The following ARHGAP8 variants were observed in gnomAD, a reference collection of about 807,000 sequenced individuals.
ARHGAP8 encodes rho GTPase-activating protein 8.
A neutral mutation model predicts 46.1 loss-of-function variants in ARHGAP8; 62 were observed. The observed-to-expected ratio is 1.34, with a 90% CI of 1.10 to 1.66. The LOEUF (loss-of-function observed/expected upper bound fraction) is 1.66, where lower values mean the gene tolerates loss of function less well. Among genes scored for constraint, ARHGAP8 ranks in the 40% most tolerant of loss-of-function variants. ARHGAP8 has a pLI of 0.00. For synonymous variants in ARHGAP8, 375 were observed against 243.1 expected, an observed-to-expected ratio of 1.54 and a Z score of -5.05; for missense variants, 923 against 568.4, an observed-to-expected ratio of 1.62 and a Z score of -6.34.
chr22:44,816,533 C>T (rs951135666), intron 5 of ARHGAP8, among the ~76,000 whole-genome samples: 3 of 152,156 alleles, frequency 2.0e-5, no homozygotes, highest in Non-Finnish European at 4.4e-5. Flanking sequence ...TACTCTGCAG[C>T]CAGACACAGT....
chr22:44,794,122 T>C (rs1483532671), intron 2 of ARHGAP8, among the ~76,000 whole-genome samples: 1 of 152,200 alleles, frequency 6.6e-6, no homozygotes, highest in Admixed American at 6.5e-5. Context: ...GCCTCAGTTT[T>C]CTCACCTGTA....
intron 2 of ARHGAP8, among the ~76,000 whole-genome samples, chr22:44,789,850 T>G (rs528769821): frequency 2.6e-5 from 4 of 152,196 alleles, no homozygotes; most frequent in African/African-American, 9.7e-5. Context: ...GTCCGATTTT[T>G]CTGATACTAA....
intron 10 of ARHGAP8, among the ~76,000 whole-genome samples, chr22:44,859,416 G>A (rs549213204): frequency 1.4e-4 from 21 of 152,270 alleles, no homozygotes; most frequent in African/African-American, 4.8e-4. Context: ...TTTGCCTTCT[G>A]CCATAATTGG....
At chr22:44,792,788 C>T (rs186206639) in intron 2 of ARHGAP8, among the ~76,000 whole-genome samples, 13 of 104,524 alleles carry the variant, frequency 1.2e-4, no homozygotes, top group South Asian at 4.0e-4. Context: ...TTGACACTAA[C>T]GACAGTGGTG....
chr22:44,862,171 C>G, intron 11 of ARHGAP8, 104 bp from the exon 12 acceptor site: 1 of 1,383,714 alleles, frequency 7.2e-7, no homozygotes. Flanking sequence ...CAGTCCAGTG[C>G]TCCTCTCACT....
chr22:44,768,059 G>T (rs781657233), intron 1 of ARHGAP8, among the ~76,000 whole-genome samples: 2 of 121,442 alleles, frequency 1.6e-5, no homozygotes. Flanking sequence ...GAGTGCAGTG[G>T]CACGATCTCG....
chr22:44,859,977 G>C (rs1601534666), intron 11 of ARHGAP8, 143 bp downstream of exon 11: 2 of 1,029,448 alleles, frequency 1.9e-6, no homozygotes, highest in Non-Finnish European at 2.8e-6. Flanking sequence ...TGCCCCCCAA[G>C]GACCTCATCC....
At chr22:44,841,495 C>T (rs1233799483) in intron 7 of ARHGAP8, among the ~76,000 whole-genome samples, 2 of 152,196 alleles carry the variant, frequency 1.3e-5, no homozygotes, top group African/African-American at 4.8e-5. Context: ...CCAAATCCAA[C>T]TTCCTTTTTG....
intron 2 of ARHGAP8, among the ~76,000 whole-genome samples, chr22:44,789,235 C>T (rs1288055180): frequency 6.6e-6 from 1 of 152,032 alleles, no homozygotes; most frequent in African/African-American, 2.4e-5. Context: ...CTGCAACCTC[C>T]AGCTCCCTGG....
chr22:44,860,955 C>T (rs546404090), intron 11 of ARHGAP8, among the ~76,000 whole-genome samples: 5 of 151,676 alleles, frequency 3.3e-5, no homozygotes, highest in Admixed American at 3.3e-4. Flanking sequence ...TTTTTTTCTC[C>T]CTGTTGCTTG....
chr22:44,771,592 T>G (rs867386813), intron 1 of ARHGAP8, among the ~76,000 whole-genome samples: 2 of 151,100 alleles, frequency 1.3e-5, no homozygotes, highest in South Asian at 4.2e-4. Flanking sequence ...CTTGCTCTTG[T>G]CCCCCAGGCT....
In ARHGAP8 at chr22:44,862,643, T is replaced by C. The variant is rs750968831; in HGVS notation, c.*48T>C. The C allele has an allele frequency of 2.7e-6, 4 of 1,508,454 alleles. No individual in the cohort carries two copies. Among genetic ancestry groups the C allele is most frequent in the Non-Finnish European group, 3.5e-6 (4 of 1,126,880 alleles). 93.4% of individuals were successfully genotyped at this position (1,508,454 alleles called of 1,614,324 possible). On this transcript the variant is annotated 3_prime_UTR_variant, in exon 12 of 12. Coordinates refer to ENST00000356099, the MANE Select transcript of ARHGAP8 (RefSeq NM_181335.3). ...TCGAGCTACCTCCCACACCTGTCTG[T>C]GCACTTGTATGTTTTGTAAACTTGG...
At chr22:44,759,889 C>T (rs1029656507) in intron 1 of ARHGAP8, among the ~76,000 whole-genome samples, 2 of 152,216 alleles carry the variant, frequency 1.3e-5, no homozygotes, top group Non-Finnish European at 2.9e-5. Flanking sequence ...AGTTGCGCAC[C>T]CGAATGATCA....
chr22:44,847,895 G>C, intron 8 of ARHGAP8, 78 bp from the exon 9 acceptor site: 1 of 1,565,356 alleles, frequency 6.4e-7, no homozygotes, highest in Non-Finnish European at 8.7e-7. Flanking sequence ...GATGCCGTGG[G>C]CAGGGGAGTG....
intron 10 of ARHGAP8, among the ~76,000 whole-genome samples, chr22:44,856,303 A>G (rs1233768713): frequency 1.9e-5 from 2 of 107,148 alleles, no homozygotes; most frequent in East Asian, 3.0e-4. Flanking sequence ...ACAAAGTCTC[A>G]CTCTGTTGCC....
intron 1 of ARHGAP8, among the ~76,000 whole-genome samples, chr22:44,784,375 G>C (rs1927062074): frequency 6.6e-6 from 1 of 152,222 alleles, no homozygotes; most frequent in African/African-American, 2.4e-5. Flanking sequence ...CTGCACTCCA[G>C]CCTGGGCGAG....
intron 1 of ARHGAP8, among the ~76,000 whole-genome samples, chr22:44,772,290 T>C (rs132468): frequency 0.16 from 16,169 of 99,424 alleles, 2,338 homozygotes; most frequent in Non-Finnish European, 0.23. Context: ...TGGAGTGCAG[T>C]GGCATGATCT....
chr22:44,852,485 C>T (rs972497657), intron 10 of ARHGAP8, among the ~76,000 whole-genome samples: 1 of 152,164 alleles, frequency 6.6e-6, no homozygotes, highest in African/African-American at 2.4e-5. Context: ...ACATATTCAG[C>T]ATGCCCAGGC....
At chr22:44,809,866 C>G (rs1244848306) in intron 4 of ARHGAP8, 1 of 152,268 alleles carries the variant, frequency 6.6e-6, no homozygotes, top group Non-Finnish European at 1.5e-5. Flanking sequence ...GCCTGAATGT[C>G]CCAGAAGTCC....
Sources: gnomAD v4.1 joint callset for allele counts (sites outside exome capture counted in the v4.1 genomes callset) on GRCh38, gnomAD v4.1.1 for gene constraint, MANE v1.5 for transcripts, NCBI Gene and HGNC (gene_info 2026-07-23, HGNC 2026-07-21) for gene names.